The following HGF variants were observed in gnomAD, a reference collection of about 807,000 sequenced individuals.
The protein encoded by HGF is hepatocyte growth factor.
Under a neutral mutation model 111.6 loss-of-function variants are expected in HGF, and 39 were observed. The ratio of observed to expected loss-of-function variants is 0.35; its 90% CI spans 0.27 to 0.46. The LOEUF is 0.46. Among genes scored for constraint, HGF ranks in the 20% least tolerant of loss-of-function variants. The pLI, the probability that HGF is intolerant of heterozygous loss-of-function variation, is 1.00. For missense variants in HGF, 735 were observed against 910.5 expected, an observed-to-expected ratio of 0.81 and a Z score of 2.48; for synonymous variants, 285 against 294.8, an observed-to-expected ratio of 0.97 and a Z score of 0.34.
rs534457500 is a variant in HGF at position 81,740,236 on chromosome 7, C to A, written c.865+3117G>T. On this transcript the variant is annotated intron_variant, in intron 7 of 17. Coordinates refer to ENST00000222390, the MANE Select transcript of HGF (RefSeq NM_000601.6). Reference sequence around the variant, plus strand: ...AGAGAGTAAGTGACATAATCATTATCTTTATTCTTTGTTTTGGAAACATTG... The same window carrying A: ...AGAGAGTAAGTGACATAATCATTATATTTATTCTTTGTTTTGGAAACATTG... 1.4e-4 allele frequency among the ~76,000 whole-genome samples: 21 copies of A among 152,276 alleles called. 1 individual carries two copies. In the South Asian group the frequency reaches 3.3e-3, roughly 24 times the overall value.
At chr7:81,754,151 T>G (rs1208533376) in intron 4 of HGF, among the ~76,000 whole-genome samples, 1 of 152,024 alleles carries the variant, frequency 6.6e-6, no homozygotes, top group Non-Finnish European at 1.5e-5. Flanking sequence ...GCCCCATATC[T>G]ATCACCTAAA....
chr7:81,760,392 A>G (rs975032215), intron 2 of HGF, among the ~76,000 whole-genome samples: 1 of 152,194 alleles, frequency 6.6e-6, no homozygotes, highest in Non-Finnish European at 1.5e-5. Flanking sequence ...TTGAATCTCT[A>G]GGAAATCAAT....
At chr7:81,732,647 C>G (rs1045434711) in intron 7 of HGF, among the ~76,000 whole-genome samples, 5 of 151,880 alleles carry the variant, frequency 3.3e-5, no homozygotes, top group Non-Finnish European at 7.4e-5. Context: ...AAAATGGAGA[C>G]AGTAAGGTAG....
chr7:81,705,820 G>T, intron 15 of HGF, 67 bp from the exon 16 acceptor site: 2 of 909,232 alleles, frequency 2.2e-6, no homozygotes, highest in Non-Finnish European at 3.6e-6. Context: ...CATATTAAAT[G>T]TAGTGTTCAT....
At chr7:81,712,247 T>C (rs1316186107) in intron 11 of HGF, among the ~76,000 whole-genome samples, 1 of 152,210 alleles carries the variant, frequency 6.6e-6, no homozygotes, top group Admixed American at 6.6e-5. Flanking sequence ...ACTCTTCATA[T>C]TGATAGGCCA....
chr7:81,758,668 A>C, intron 3 of HGF, 24 bp downstream of exon 3: 2 of 1,264,394 alleles, frequency 1.6e-6, no homozygotes, highest in Non-Finnish European at 2.3e-6. Flanking sequence ...TTCATTATGC[A>C]ATATTTAGGG....
chr7:81,702,598 T>A lies in HGF; in HGVS notation c.2170A>T (p.Lys724Ter). 1 of 1,610,768 alleles carries A rather than the reference T, an allele frequency of 6.2e-7. No homozygotes were observed. Among genetic ancestry groups the A allele is most frequent in the East Asian group, 2.2e-5 (1 of 44,790 alleles). Residue 724 changes from lysine (K) to a stop codon, truncating the protein, a stop_gained, in exon 18 of 18, where the codon AAG (lysine) becomes TAG (stop). Coordinates refer to ENST00000222390, the MANE Select transcript of HGF (RefSeq NM_000601.6). LOFTEE classifies it high-confidence loss of function. The stretch of plus-strand genomic sequence containing the variant: ...TACTTCAGCTATGACTGTGGTACCT[T>A]ATATGTTAAAATAATTTTGTGTATC... ...KWIHKIILTY[K>*]VPQS
intron 5 of HGF, among the ~76,000 whole-genome samples, chr7:81,745,481 C>G (rs1788202684): frequency 6.6e-6 from 1 of 152,160 alleles, no homozygotes; most frequent in African/African-American, 2.4e-5. Flanking sequence ...ATCTCAGTAT[C>G]TATTTGTCAG....
At chr7:81,756,750 G>A (rs995152726) in intron 4 of HGF, 4 of 184,688 alleles carry the variant, frequency 2.2e-5, no homozygotes, top group East Asian at 1.5e-4. Flanking sequence ...AGTAAGATTC[G>A]TCAAGGGCTT....
At chr7:81,756,846 T>A (rs1279363882) in intron 4 of HGF, 2 of 308,694 alleles carry the variant, frequency 6.5e-6, no homozygotes, top group East Asian at 1.6e-4. Context: ...CTCATCTACC[T>A]CTGATTTTTC....
chr7:81,754,433 A>C (rs2116146786), intron 4 of HGF, among the ~76,000 whole-genome samples: 2 of 152,136 alleles, frequency 1.3e-5, no homozygotes, highest in South Asian at 2.1e-4. Flanking sequence ...GTAAAGCCAA[A>C]AAAAAGCTGT....
At chr7:81,716,922 C>G (rs530645956) in intron 11 of HGF, among the ~76,000 whole-genome samples, 2 of 152,200 alleles carry the variant, frequency 1.3e-5, no homozygotes, top group South Asian at 2.1e-4. Flanking sequence ...GTGGGGAGAT[C>G]TTTCTAGCCC....
At chr7:81,704,214 T>C (rs1789362868) in intron 17 of HGF, among the ~76,000 whole-genome samples, 1 of 151,738 alleles carries the variant, frequency 6.6e-6, no homozygotes, top group Non-Finnish European at 1.5e-5. Context: ...CAGATATGAA[T>C]AATTCAAACT....
At chr7:81,702,798 T>TA (rs752889964) in intron 17 of HGF, 41 bp from the exon 18 acceptor site, 77 of 1,546,674 alleles carry the variant, frequency 5.0e-5, no homozygotes, top group South Asian at 3.9e-4. Flanking sequence ...TATTAGGAAT[T>TA]AAAAAAAAGC....
chr7:81,741,938 C>CAAAAA (rs71520767), intron 7 of HGF, among the ~76,000 whole-genome samples: 2 of 46,332 alleles, frequency 4.3e-5, no homozygotes, highest in African/African-American at 8.0e-5. Context: ...AACTCCATCT[C>CAAAAA]AAAAAAAAAA....
At chr7:81,748,774 T>G (rs1201646602) in intron 5 of HGF, among the ~76,000 whole-genome samples, 1 of 152,204 alleles carries the variant, frequency 6.6e-6, no homozygotes, top group African/African-American at 2.4e-5. Context: ...TTGTTCTAAG[T>G]ACAGTTCTGG....
intron 11 of HGF, among the ~76,000 whole-genome samples, chr7:81,714,280 T>G (rs1789654093): frequency 6.6e-6 from 1 of 152,140 alleles, no homozygotes; most frequent in Non-Finnish European, 1.5e-5. Context: ...AAGAAGTGTT[T>G]GTATTTTTAT....
At chr7:81,760,637 G>T (rs1472333897) in intron 2 of HGF, among the ~76,000 whole-genome samples, 1 of 151,274 alleles carries the variant, frequency 6.6e-6, no homozygotes, top group Non-Finnish European at 1.5e-5. Flanking sequence ...ATATAGCTAA[G>T]ATATTTAATA....
intron 5 of HGF, among the ~76,000 whole-genome samples, chr7:81,747,708 C>A (rs1459927302): frequency 6.6e-6 from 1 of 152,102 alleles, no homozygotes; most frequent in Non-Finnish European, 1.5e-5. Context: ...AGGCCAGGTG[C>A]AGTGGCTCAA....
Sources: gnomAD v4.1 joint callset for allele counts (sites outside exome capture counted in the v4.1 genomes callset) on GRCh38, gnomAD v4.1.1 for gene constraint, MANE v1.5 for transcripts, NCBI Gene and HGNC (gene_info 2026-07-23, HGNC 2026-07-21) for gene names.